The following PPL variants were observed in gnomAD, a reference collection of about 807,000 sequenced individuals.
The protein encoded by PPL is periplakin.
PPL carries 198 observed loss-of-function variants against 194.4 expected under a neutral mutation model. That is an observed-to-expected ratio of 1.02 (90% CI 0.91 to 1.15). The LOEUF (loss-of-function observed/expected upper bound fraction) is 1.15, where lower values mean the gene tolerates loss of function less well. Among genes scored for constraint, PPL ranks in the 50% most tolerant of loss-of-function variants. The pLI, the probability that PPL is intolerant of heterozygous loss-of-function variation, is 0.00. For synonymous variants in PPL, 1,220 were observed against 972.4 expected (o/e 1.25, Z -4.74); for missense variants, 2,885 against 2,294.8 (o/e 1.26, Z -5.25).
At chr16:4,898,353 G>A (rs1267699464) in intron 8 of PPL, among the ~76,000 whole-genome samples, 2 of 152,186 alleles carry the variant, frequency 1.3e-5, no homozygotes, top group Non-Finnish European at 2.9e-5. Flanking sequence ...ACTCCAGCCT[G>A]GGCAACAACA....
In PPL at chr16:4,885,246, A is replaced by G; in HGVS notation, c.3409T>C (p.Tyr1137His). 6.2e-7 allele frequency: 1 copy of G among 1,611,098 alleles called. No individual in the cohort carries two copies. Among genetic ancestry groups the G allele is most frequent in the East Asian group, 2.2e-5 (1 of 44,700 alleles). The change falls in exon 22 of 22, where the codon TAT becomes CAT. Residue 1137 changes from tyrosine to histidine, a missense_variant. Physicochemically the swap from Tyr to His is moderately conservative, Grantham distance 83. Coordinates refer to ENST00000345988, the MANE Select transcript of PPL (RefSeq NM_002705.5). The surrounding 1 kb of genome is among the most constrained non-coding windows in gnomAD (Gnocchi z 6.3). ...CGAGCCTTGGCAGCCTCGTCCTCAT[A>G]TTGGCGGGTGAGATCGCTGACCTCC... ...EREVSDLTRQYEDEAAKARAS... is the reference protein window; with the variant it reads ...EREVSDLTRQHEDEAAKARAS...
At chr16:4,917,648 C>G (rs2088952275) in intron 1 of PPL, among the ~76,000 whole-genome samples, 1 of 152,138 alleles carries the variant, frequency 6.6e-6, no homozygotes, top group African/African-American at 2.4e-5. Flanking sequence ...CACCTATAAT[C>G]CCAGCACTTT....
At chr16:4,900,689 C>G in intron 6 of PPL, 141 bp downstream of exon 6, 1 of 1,151,218 alleles carries the variant, frequency 8.7e-7, no homozygotes, top group Non-Finnish European at 1.3e-6. Flanking sequence ...CCTCCTGCCT[C>G]TGCCTCCCAA....
intron 18 of PPL, among the ~76,000 whole-genome samples, 180 bp from the exon 19 acceptor site, chr16:4,889,241 G>GTTGTTTTTTTTTTTT (rs2088274147): frequency 1.5e-5 from 1 of 66,636 alleles, no homozygotes. Context: ...TGTTGTTGTT[G>GTTGTTTTTTTTTTTT]TTTTTTTTTT....
At chr16:4,898,925 G>A (rs1477717599) in intron 8 of PPL, 88 bp downstream of exon 8, 21 of 1,043,860 alleles carry the variant, frequency 2.0e-5, no homozygotes, top group Non-Finnish European at 2.7e-5. Flanking sequence ...CCCCAGCTCC[G>A]GGGTCTGCCC....
chr16:4,936,930 G>T (rs909787456), intron 1 of PPL, 54 bp downstream of exon 1: 98 of 1,533,770 alleles, frequency 6.4e-5, no homozygotes, highest in Non-Finnish European at 8.3e-5. Flanking sequence ...TCCAGGTCCT[G>T]TGCGCCCACA....
At position 4,884,682 on chromosome 16, in the gene PPL, G is replaced by T; in HGVS notation, c.3973C>A (p.Leu1325Met). The T allele has an allele frequency of 6.2e-7, 1 of 1,614,086 alleles. No individual in the cohort carries two copies. The highest frequency in any genetic ancestry group is 1.3e-5 in the African/African-American group (1 of 75,036). ...TCCTGGGAAGCTCTTTCCCTCTCCA[G>T]ATCCACTTGTTTCTTCTGCTCCTCT... ...LSEEQKKQVD[L>M]ERERASQEEQ... is the part of the protein sequence containing the mutation. The change falls in exon 22 of 22, where the codon CTG (leucine) becomes ATG (methionine). Residue 1325 changes from leucine (L) to methionine (M), a missense_variant. Transcript: ENST00000345988. The surrounding 1 kb of genome is among the most constrained non-coding windows in gnomAD (Gnocchi z 5.7).
intron 2 of PPL, among the ~76,000 whole-genome samples, chr16:4,910,184 A>G (rs904350315): frequency 6.6e-6 from 1 of 152,198 alleles, no homozygotes; most frequent in African/African-American, 2.4e-5. Context: ...AGGGAAACTG[A>G]GGCACAGATA....
chr16:4,904,605 G>T (rs909459518), intron 2 of PPL, among the ~76,000 whole-genome samples: 1 of 152,206 alleles, frequency 6.6e-6, no homozygotes, highest in African/African-American at 2.4e-5. Flanking sequence ...CTGTGCAAAG[G>T]TCCTGAGGCA....
chr16:4,918,675 A>G (rs532857609), intron 1 of PPL, among the ~76,000 whole-genome samples: 2 of 152,238 alleles, frequency 1.3e-5, no homozygotes, highest in Non-Finnish European at 2.9e-5. Flanking sequence ...CAAGCAAGGC[A>G]GAGCTGGGAT....
At chr16:4,889,952 G>T (rs191036939) in intron 18 of PPL, among the ~76,000 whole-genome samples, 30 of 152,378 alleles carry the variant, frequency 2.0e-4, no homozygotes, top group Admixed American at 3.3e-4. Flanking sequence ...TGTCCATTCT[G>T]CACCAGGCCC....
In PPL at chr16:4,934,876, G is replaced by A. The variant is rs999387963; in HGVS notation, c.62+2108C>T. On this transcript the variant is annotated intron_variant, in intron 1 of 21. Coordinates refer to ENST00000345988, the MANE Select transcript of PPL (RefSeq NM_002705.5). ...GTCTGCGAACTAGTCCCCACTAAGG[G>A]GAGGGGGCAGAGGGATGCACTGGGC... 2.6e-5 allele frequency among the ~76,000 whole-genome samples: 4 copies of A among 152,332 alleles called. No homozygotes were observed. In the East Asian group the frequency reaches 7.7e-4, roughly 29 times the overall value.
chr16:4,933,311 G>T (rs1014817317), intron 1 of PPL, among the ~76,000 whole-genome samples: 1 of 152,194 alleles, frequency 6.6e-6, no homozygotes, highest in African/African-American at 2.4e-5. Context: ...GGCGGCCCCA[G>T]TGTTGCAAGA....
At chr16:4,920,287 AAAG>A (rs1360622805) in intron 1 of PPL, among the ~76,000 whole-genome samples, 2 of 145,762 alleles carry the variant, frequency 1.4e-5, no homozygotes, top group Non-Finnish European at 3.0e-5. Flanking sequence ...TGTCTCAAAA[AAAG>A]AAAGAAAGAA....
At position 4,883,413 on chromosome 16, in the gene PPL, G is replaced by A. The variant is rs375005501; in HGVS notation, c.5242C>T (p.Leu1748=). ...TTCTGCCCAGATACCAAGACCGCCA[G>A]CTCCTGGATGGACATATCCTTGTTG... is the stretch of plus-strand genomic sequence containing the variant. ...YVNKDMSIQE[L]AVLVSGQK The change falls in exon 22 of 22, where the codon CTG becomes TTG. Residue 1748 remains leucine (L), a synonymous_variant. Coordinates refer to ENST00000345988, the MANE Select transcript of PPL (RefSeq NM_002705.5). This position sits in a 1 kb window ranked among gnomAD's most constrained non-coding sequence, Gnocchi z 4.8. 1 of 1,614,044 alleles carries A rather than the reference G, an allele frequency of 6.2e-7. No individual in the cohort carries two copies. The highest frequency in any genetic ancestry group is 1.3e-5 in the African/African-American group (1 of 74,932).
intron 1 of PPL, among the ~76,000 whole-genome samples, chr16:4,915,633 C>T (rs568831955): frequency 2.0e-5 from 3 of 152,342 alleles, no homozygotes; most frequent in South Asian, 4.1e-4. Flanking sequence ...GGCATGTGAT[C>T]GACTGGGCTA....
At chr16:4,909,423 CCTTTT>C (rs2088773838) in intron 2 of PPL, among the ~76,000 whole-genome samples, 1 of 124,556 alleles carries the variant, frequency 8.0e-6, no homozygotes, top group Non-Finnish European at 1.7e-5. Flanking sequence ...TCTGGTCCCA[CCTTTT>C]TTTTTTTTTT....
chr16:4,889,241 G>GGTTTTTTTTTTTTTTTTTTTTTTTTTTT lies in PPL; in HGVS notation c.2314-181_2314-180insAAAAAAAAAAAAAAAAAAAAAAAAAAAC, dbSNP rs1442783436. On this transcript the variant is annotated intron_variant, in intron 18 of 21. Transcript: ENST00000345988. ...AAAAGGCAGTTTTTTTGTTGTTGTTGTTTTTTTTTTTTTTTTTTTTTTTTT... is the reference window on the plus strand; with the variant it reads ...AAAAGGCAGTTTTTTTGTTGTTGTTGGTTTTTTTTTTTTTTTTTTTTTTTTTTTTTTTTTTTTTTTTTTTTTTTTTTTT... Among the ~76,000 whole-genome samples the GGTTTTTTTTTTTTTTTTTTTTTTTTTTT allele has an allele frequency of 4.7e-4, 31 of 66,634 alleles. 10 individuals are homozygous for GGTTTTTTTTTTTTTTTTTTTTTTTTTTT. Among genetic ancestry groups the GGTTTTTTTTTTTTTTTTTTTTTTTTTTT allele is most frequent in the South Asian group, 1.8e-3 (3 of 1,684 alleles). 43.7% of individuals were successfully genotyped at this position (66,634 alleles called of 152,430 possible). A position where few individuals can be genotyped will look rare whatever the true frequency, so the allele number is the denominator to read the frequency against.
At chr16:4,924,453 C>T (rs759115373) in intron 1 of PPL, among the ~76,000 whole-genome samples, 2 of 152,194 alleles carry the variant, frequency 1.3e-5, no homozygotes, top group Non-Finnish European at 2.9e-5. Flanking sequence ...CACAGTCTCT[C>T]AGTTCTGCTG....
Sources: gnomAD v4.1 joint callset for allele counts (sites outside exome capture counted in the v4.1 genomes callset) on GRCh38, gnomAD v4.1.1 for gene constraint, Gnocchi (gnomAD v3.1) non-coding constraint, MANE v1.5 for transcripts, NCBI Gene and HGNC (gene_info 2026-07-23, HGNC 2026-07-21) for gene names.